The following LRBA variants were observed in gnomAD, a reference collection of about 807,000 sequenced individuals.
LRBA encodes the protein LPS responsive beige-like anchor protein.
In LRBA, 176 loss-of-function variants were observed where a neutral mutation model predicts 330.0. The observed-to-expected ratio is 0.53, with a 90% CI of 0.47 to 0.60. The LOEUF (loss-of-function observed/expected upper bound fraction) is 0.60, where lower values mean the gene tolerates loss of function less well. LRBA is among the 20% of genes least tolerant of loss of function. LRBA has a pLI of 0.00. For synonymous variants in LRBA, 1,230 were observed against 1,193.0 expected, an observed-to-expected ratio of 1.03 and a Z score of -0.64; for missense variants, 3,259 against 3,444.8, an observed-to-expected ratio of 0.95 and a Z score of 1.35.
At chr4:150,508,250 G>A (rs1235058546) in intron 40 of LRBA, among the ~76,000 whole-genome samples, 1 of 133,634 alleles carries the variant, frequency 7.5e-6, no homozygotes, top group African/African-American at 2.7e-5. Flanking sequence ...AGGGGGGGGG[G>A]GGGAGAAAAA....
intron 37 of LRBA, among the ~76,000 whole-genome samples, chr4:150,606,607 G>A (rs956649624): frequency 2.6e-5 from 4 of 152,112 alleles, no homozygotes; most frequent in African/African-American, 4.8e-5. Context: ...ATACAGTACC[G>A]CCAAGCCTCA....
chr4:150,748,224 A>G (rs1048530670), intron 35 of LRBA, among the ~76,000 whole-genome samples: 1 of 152,108 alleles, frequency 6.6e-6, no homozygotes, highest in African/African-American at 2.4e-5. Context: ...ACATCATTCT[A>G]AGTCACCATT....
rs76309796 is a variant in LRBA, at chr4:150,702,460, C to T, written c.5755-18743G>A. Among the ~76,000 whole-genome samples, 695 of 152,256 alleles carry T rather than the reference C, an allele frequency of 4.6e-3. 6 individuals carry two copies. Among genetic ancestry groups the T allele is most frequent in the African/African-American group, 0.016 (664 of 41,568 alleles). Reference sequence around the variant, plus strand: ...TGAAAAGGAAATACCAAGATAATTACATAGGTGAGACTCCAAATAACTAAT... The same window carrying T: ...TGAAAAGGAAATACCAAGATAATTATATAGGTGAGACTCCAAATAACTAAT... On this transcript the variant is annotated intron_variant, in intron 36 of 56. Coordinates refer to ENST00000651943, the MANE Select transcript of LRBA (RefSeq NM_001364905.1).
intron 37 of LRBA, among the ~76,000 whole-genome samples, chr4:150,601,026 G>A (rs191224542): frequency 2.6e-5 from 4 of 152,110 alleles, no homozygotes; most frequent in South Asian, 2.1e-4. Flanking sequence ...TGCGGCAATC[G>A]GCACAAGTAA....
At position 150,852,329 on chromosome 4, in the gene LRBA, T is replaced by C; in HGVS notation, c.3381A>G (p.Thr1127=). 6.2e-7 allele frequency: 1 copy of C among 1,613,990 alleles called. No homozygotes were observed. The highest frequency in any genetic ancestry group is 8.5e-7 in the Non-Finnish European group (1 of 1,179,970). The change falls in exon 23 of 57, where the codon ACA becomes ACG. Residue 1127 remains threonine (T), a synonymous_variant. Coordinates refer to ENST00000651943, the MANE Select transcript of LRBA (RefSeq NM_001364905.1). ...GAGACAAACTGTTATCTTGGAGCTC[T>C]GTGGGTAGATTAGCTTCCTCAGTAG... is the stretch of plus-strand genomic sequence containing the variant. ...GSPTEEANLP[T]ELQDNSLSPA...
At chr4:150,392,361 T>G (rs1744101625) in intron 47 of LRBA, among the ~76,000 whole-genome samples, 1 of 152,154 alleles carries the variant, frequency 6.6e-6, no homozygotes, top group Non-Finnish European at 1.5e-5. Flanking sequence ...ATAGGGGATT[T>G]GGGAGTCCAG....
intron 31 of LRBA, 43 bp downstream of exon 31, chr4:150,817,081 G>C: frequency 6.3e-7 from 1 of 1,587,564 alleles, no homozygotes. Flanking sequence ...GCTAAAATGA[G>C]ATCTAAAAAC....
In LRBA at chr4:150,540,774, G is replaced by A. The variant is rs374519116; in HGVS notation, c.6330+47274C>T. Reference sequence around the variant, plus strand: ...AATACAGCCACAGAAGCTAAGAAGGGCCCTGTGTCAGCAAAATCAACTTTA... The same window carrying A: ...AATACAGCCACAGAAGCTAAGAAGGACCCTGTGTCAGCAAAATCAACTTTA... On this transcript the variant is annotated intron_variant, in intron 40 of 56. Coordinates refer to ENST00000651943, the MANE Select transcript of LRBA (RefSeq NM_001364905.1). 2.7e-4 allele frequency among the ~76,000 whole-genome samples: 41 copies of A among 152,240 alleles called. No homozygotes were observed. In the East Asian group the frequency reaches 2.7e-3, roughly 10 times the overall value.
In LRBA at chr4:150,806,059, T is replaced by C. The variant is rs549983669; in HGVS notation, c.5518+212A>G. On this transcript the variant is annotated intron_variant, in intron 33 of 56. Coordinates refer to ENST00000651943, the MANE Select transcript of LRBA (RefSeq NM_001364905.1). ...AGTCTTAGTTCTTTGGTTCAACACATAATTCTACGCTCCATCCAAATCACT... is the reference window on the plus strand; with the variant it reads ...AGTCTTAGTTCTTTGGTTCAACACACAATTCTACGCTCCATCCAAATCACT... 2.9e-4 allele frequency among the ~76,000 whole-genome samples: 44 copies of C among 151,644 alleles called. 1 individual carries two copies. The South Asian group carries it at 7.3e-3, about 25-fold the overall frequency.
chr4:150,559,638 T>A (rs1767831284), intron 40 of LRBA, among the ~76,000 whole-genome samples: 2 of 61,830 alleles, frequency 3.2e-5, no homozygotes, highest in African/African-American at 1.2e-4. Context: ...TAATATATAT[T>A]TATATAATAT....
chr4:150,503,617 T>C (rs1055247284), intron 40 of LRBA, among the ~76,000 whole-genome samples: 1 of 151,676 alleles, frequency 6.6e-6, no homozygotes, highest in East Asian at 1.9e-4. Flanking sequence ...AGACCAAAGG[T>C]AGATAAAACC....
intron 40 of LRBA, among the ~76,000 whole-genome samples, chr4:150,552,160 T>G (rs566836754): frequency 1.8e-4 from 27 of 152,234 alleles, no homozygotes; most frequent in African/African-American, 6.5e-4. Context: ...GGCACTCCTC[T>G]CCTGCTATGT....
intron 46 of LRBA, among the ~76,000 whole-genome samples, chr4:150,416,452 T>G (rs1370740329): frequency 6.6e-6 from 1 of 152,006 alleles, no homozygotes; most frequent in Non-Finnish European, 1.5e-5. Flanking sequence ...AGAAAAAAAA[T>G]CCAGCAGGAA....
intron 55 of LRBA, among the ~76,000 whole-genome samples, chr4:150,278,521 A>C (rs1445491711): frequency 1.3e-5 from 2 of 152,124 alleles, no homozygotes; most frequent in African/African-American, 4.8e-5. Context: ...AGCTACAACA[A>C]CTTCCAGGGT....
chr4:150,747,743 T>A (rs112247455), intron 35 of LRBA, among the ~76,000 whole-genome samples: 60 of 152,270 alleles, frequency 3.9e-4, no homozygotes, highest in African/African-American at 1.4e-3. Flanking sequence ...CTTTGCTACA[T>A]CCTCCGCTGC....
intron 35 of LRBA, among the ~76,000 whole-genome samples, chr4:150,746,581 G>T (rs1732764762): frequency 6.6e-6 from 1 of 150,750 alleles, no homozygotes; most frequent in African/African-American, 2.4e-5. Flanking sequence ...CATGATCTCG[G>T]TTCACTGCAA....
intron 2 of LRBA, among the ~76,000 whole-genome samples, chr4:150,949,169 T>G (rs547424217): frequency 6.6e-6 from 1 of 152,106 alleles, no homozygotes; most frequent in Admixed American, 6.5e-5. Flanking sequence ...TTGTTGGTAA[T>G]AGCCAAAAAG....
chr4:150,957,830 CA>C (rs1328384495), intron 2 of LRBA, among the ~76,000 whole-genome samples: 2 of 149,198 alleles, frequency 1.3e-5, no homozygotes, highest in Admixed American at 6.6e-5. Flanking sequence ...GTGGGACAGT[CA>C]AATCTTAAAG....
chr4:150,558,311 T>C (rs1403990544), intron 40 of LRBA, among the ~76,000 whole-genome samples: 1 of 152,168 alleles, frequency 6.6e-6, no homozygotes, highest in Non-Finnish European at 1.5e-5. Flanking sequence ...TTAGACTCCT[T>C]CTATAAGGGA....
Sources: gnomAD v4.1 joint callset for allele counts (sites outside exome capture counted in the v4.1 genomes callset) on GRCh38, gnomAD v4.1.1 for gene constraint, MANE v1.5 for transcripts, NCBI Gene and HGNC (gene_info 2026-07-23, HGNC 2026-07-21) for gene names.